Variants in NRXN3 observed in about 807,000 individuals in gnomAD.
NRXN3 encodes the protein neurexin III.
A neutral mutation model predicts 137.6 loss-of-function variants in NRXN3; 32 were observed. The ratio of observed to expected loss-of-function variants is 0.23; its 90% CI spans 0.18 to 0.31. The LOEUF is 0.31. Among genes scored for constraint, NRXN3 ranks in the 10% least tolerant of loss-of-function variants. NRXN3 has a pLI of 1.00. For missense variants in NRXN3, 1,574 were observed against 2,062.5 expected, an observed-to-expected ratio of 0.76 and a Z score of 4.59; for synonymous variants, 798 against 784.5, an observed-to-expected ratio of 1.02 and a Z score of -0.29.
chr14:78,176,674 G>T (rs1595594412), intron 1 of NRXN3, among the ~76,000 whole-genome samples: 1 of 152,174 alleles, frequency 6.6e-6, no homozygotes, highest in East Asian at 1.9e-4. Context: ...TATGCACCAC[G>T]TTTGATGCAG....
chr14:78,467,488 A>G (rs2095142725), intron 4 of NRXN3, among the ~76,000 whole-genome samples: 1 of 152,194 alleles, frequency 6.6e-6, no homozygotes, highest in Admixed American at 6.5e-5. Flanking sequence ...TATAGTACTA[A>G]CTGCTACAGC....
At chr14:79,398,811 A>G (rs1599721175) in intron 15 of NRXN3, among the ~76,000 whole-genome samples, 1 of 151,908 alleles carries the variant, frequency 6.6e-6, no homozygotes, top group South Asian at 2.1e-4. Context: ...GGAGTTCAAG[A>G]CCAGCCTGGC....
chr14:79,419,459 T>C (rs2095544725), intron 15 of NRXN3, among the ~76,000 whole-genome samples: 1 of 152,194 alleles, frequency 6.6e-6, no homozygotes, highest in African/African-American at 2.4e-5. Flanking sequence ...CAAAAGCCAA[T>C]TTATAACTTT....
chr14:79,755,888 G>A (rs1247745875), intron 19 of NRXN3, among the ~76,000 whole-genome samples: 1 of 152,040 alleles, frequency 6.6e-6, no homozygotes, highest in Non-Finnish European at 1.5e-5. Context: ...TGCAAATCCT[G>A]ATTTTCACAT....
chr14:78,583,966 T>C (rs1408212581), intron 4 of NRXN3, among the ~76,000 whole-genome samples: 1 of 152,238 alleles, frequency 6.6e-6, no homozygotes, highest in African/African-American at 2.4e-5. Flanking sequence ...TCTAAGAACT[T>C]TCATGCATTT....
chr14:79,737,928 T>C (rs539201701), intron 19 of NRXN3, among the ~76,000 whole-genome samples: 1 of 152,252 alleles, frequency 6.6e-6, no homozygotes, highest in South Asian at 2.1e-4. Context: ...GTGGCAGGCT[T>C]CATATAGAAT....
Position 79,861,138 on chromosome 14 carries a change from CCCTCCTCA to C in NRXN3, c.4094-201_4094-194del. 6.7e-7 allele frequency: 1 copy of C among 1,503,380 alleles called. No homozygotes were observed. The allele number at this position is 1,503,380 out of a possible 1,614,324, so 93.1% of individuals were successfully genotyped here. ...ATTACACTCCCCCCTACCTTTCGCC[CCCTCCTCA>C]CCATTATTGAGACCACCAAAGATTC... On this transcript the variant is annotated intron_variant, in intron 20 of 20. Transcript: ENST00000335750. This position sits in a 1 kb window ranked among gnomAD's most constrained non-coding sequence, Gnocchi z 5.4.
chr14:78,706,413 T>C (rs1285616295), intron 6 of NRXN3, among the ~76,000 whole-genome samples: 1 of 152,204 alleles, frequency 6.6e-6, no homozygotes, highest in Non-Finnish European at 1.5e-5. Flanking sequence ...AAAATTCAGC[T>C]TTTGAATTGT....
intron 16 of NRXN3, among the ~76,000 whole-genome samples, chr14:79,517,754 A>G (rs955586744): frequency 3.9e-5 from 6 of 152,002 alleles, no homozygotes; most frequent in African/African-American, 1.4e-4. Flanking sequence ...ATGATATTTT[A>G]AATTCATTTC....
intron 2 of NRXN3, among the ~76,000 whole-genome samples, chr14:78,273,449 C>T (rs999060783): frequency 6.6e-6 from 1 of 152,172 alleles, no homozygotes. Flanking sequence ...TAAAAATCAA[C>T]CCCAAACCTT....
At chr14:78,304,802 G>A (rs942553468) in intron 4 of NRXN3, among the ~76,000 whole-genome samples, 8 of 152,278 alleles carry the variant, frequency 5.3e-5, no homozygotes, top group East Asian at 3.9e-4. Flanking sequence ...GAGAGTGCAA[G>A]TCCCATCAAA....
At chr14:79,077,291 A>G (rs1158939500) in intron 15 of NRXN3, among the ~76,000 whole-genome samples, 1 of 152,170 alleles carries the variant, frequency 6.6e-6, no homozygotes, top group East Asian at 1.9e-4. Flanking sequence ...GGTTCAACAA[A>G]TAGAAGATAG....
At chr14:79,150,808 T>C (rs189582136) in intron 15 of NRXN3, among the ~76,000 whole-genome samples, 14 of 152,102 alleles carry the variant, frequency 9.2e-5, no homozygotes, top group Admixed American at 8.5e-4. Context: ...AAAACTTTAC[T>C]CAAAAATCAA....
chr14:78,658,654 G>C (rs973974175), intron 6 of NRXN3, among the ~76,000 whole-genome samples: 1 of 152,206 alleles, frequency 6.6e-6, no homozygotes, highest in Non-Finnish European at 1.5e-5. Flanking sequence ...AATGAGGATA[G>C]TAATCCCTGC....
chr14:79,343,390 GGTTA>G lies in NRXN3; in HGVS notation c.3263-123829_3263-123826del, dbSNP rs1566857897. On this transcript the variant is annotated intron_variant, in intron 15 of 20. Transcript: ENST00000335750. ...CAGGAATGAACAAGGACAGCTTGGA[GGTTA>G]GAAGCAAGATGGAGTCAGTTAAGTT... is the stretch of plus-strand genomic sequence containing the variant. 2.0e-5 allele frequency among the ~76,000 whole-genome samples: 3 copies of G among 152,284 alleles called. No individual in the cohort carries two copies. In the South Asian group the frequency reaches 6.2e-4, roughly 32 times the overall value.
intron 8 of NRXN3, among the ~76,000 whole-genome samples, chr14:78,786,129 G>C (rs2098788624): frequency 6.6e-6 from 1 of 152,146 alleles, no homozygotes; most frequent in South Asian, 2.1e-4. Flanking sequence ...CCACAAGGTA[G>C]GAAATTTGTT....
At chr14:78,396,784 T>C (rs1167236268) in intron 4 of NRXN3, among the ~76,000 whole-genome samples, 1 of 152,208 alleles carries the variant, frequency 6.6e-6, no homozygotes, top group Non-Finnish European at 1.5e-5. Context: ...GAAGTTCTGA[T>C]ATGTTATTGT....
intron 15 of NRXN3, among the ~76,000 whole-genome samples, chr14:79,072,955 G>A (rs1220153614): frequency 1.3e-5 from 2 of 148,466 alleles, no homozygotes; most frequent in Non-Finnish European, 1.5e-5. Flanking sequence ...GTGCAATCTC[G>A]GCTCACTGCA....
intron 15 of NRXN3, among the ~76,000 whole-genome samples, chr14:79,202,935 T>C (rs1323828242): frequency 1.3e-5 from 2 of 152,168 alleles, no homozygotes; most frequent in African/African-American, 4.8e-5. Context: ...GTTCTACTTT[T>C]AATTCTTTAA....
Sources: gnomAD v4.1 joint callset for allele counts (sites outside exome capture counted in the v4.1 genomes callset) on GRCh38, gnomAD v4.1.1 for gene constraint, Gnocchi (gnomAD v3.1) non-coding constraint, MANE v1.5 for transcripts, NCBI Gene and HGNC (gene_info 2026-07-23, HGNC 2026-07-21) for gene names.